The following CACNA1C variants were observed in gnomAD, a reference collection of about 807,000 sequenced individuals.
The protein encoded by CACNA1C is calcium voltage-gated channel subunit alpha1 C, also known as voltage-dependent L-type calcium channel subunit alpha-1C.
In CACNA1C, 30 loss-of-function variants were observed where a neutral mutation model predicts 229.0. The ratio of observed to expected loss-of-function variants is 0.13; its 90% CI spans 0.10 to 0.18. CACNA1C has a LOEUF of 0.18. Among genes scored for constraint, CACNA1C ranks in the 10% least tolerant of loss-of-function variants. The pLI is 1.00. For synonymous variants in CACNA1C, 1,114 were observed against 1,132.5 expected (o/e 0.98, Z 0.33); for missense variants, 1,658 against 2,845.0 (o/e 0.58, Z 9.49).
intron 1 of CACNA1C, among the ~76,000 whole-genome samples, chr12:2,062,606 C>G (rs191302737): frequency 6.6e-6 from 1 of 152,210 alleles, no homozygotes; most frequent in Non-Finnish European, 1.5e-5. Flanking sequence ...TGCATGTTGT[C>G]GTGGTACCCC....
intron 3 of CACNA1C, among the ~76,000 whole-genome samples, chr12:2,190,812 G>A (rs1798124382): frequency 6.6e-6 from 1 of 152,174 alleles, no homozygotes; most frequent in Non-Finnish European, 1.5e-5. Context: ...GGCAAGAAGG[G>A]TTATTCAGGG....
At chr12:2,217,618 T>G (rs1257129958) in intron 3 of CACNA1C, 1 of 152,248 alleles carries the variant, frequency 6.6e-6, no homozygotes, top group African/African-American at 2.4e-5. Context: ...CTATGATGGC[T>G]TGCAGTCTGG....
At chr12:1,983,941 T>G (rs1193852951) in intron 1 of CACNA1C, among the ~76,000 whole-genome samples, 4 of 152,088 alleles carry the variant, frequency 2.6e-5, no homozygotes, top group Non-Finnish European at 5.9e-5. Context: ...ATAATTATTA[T>G]GCCTTTTGGA....
At chr12:2,635,836 GTGTGTGTGAGCATGTGTGCATGTGTGTA>G (rs1158801087) in intron 30 of CACNA1C, among the ~76,000 whole-genome samples, 7 of 152,234 alleles carry the variant, frequency 4.6e-5, no homozygotes, top group African/African-American at 1.7e-4. Flanking sequence ...GCATGTCTGT[GTGTGTGTGAGCATGTGTGCATGTGTGTA>G]TGTGTGTGAG....
intron 29 of CACNA1C, 186 bp downstream of exon 29, chr12:2,612,199 A>G: frequency 1.8e-6 from 1 of 570,128 alleles, no homozygotes; most frequent in Non-Finnish European, 3.1e-6. Flanking sequence ...GGCCAACTCC[A>G]GGAAACACTC....
intron 29 of CACNA1C, chr12:2,614,949 C>T (rs1440046886): frequency 6.6e-6 from 1 of 151,260 alleles, no homozygotes; most frequent in East Asian, 1.9e-4. Flanking sequence ...AACCATCCCA[C>T]TCCTTAAATT....
At chr12:2,030,644 GC>G (rs1465154502) in intron 1 of CACNA1C, among the ~76,000 whole-genome samples, 1 of 152,194 alleles carries the variant, frequency 6.6e-6, no homozygotes, top group East Asian at 1.9e-4. Flanking sequence ...AGTTGTGTCT[GC>G]CTTGCTGATG....
rs2077224697 is a variant in CACNA1C at position 2,610,659 on chromosome 12, T to C, written c.3677T>C (p.Phe1226Ser). The change falls in exon 28 of 47, where the codon TTC becomes TCC. Residue 1226 changes from phenylalanine to serine, a missense_variant. This residue lies in a region of CACNA1C where 67 missense variants were observed against 106.4 expected (regional missense o/e 0.63). Transcript: ENST00000399655. ...TCCACCTACTTCGAGTACCTGATGT[T>C]CGTCCTCATCCTGCTCAACACCATC... The part of the protein sequence containing the change: ...VNSTYFEYLM[F>S]VLILLNTICL... The C allele has an allele frequency of 8.7e-6, 14 of 1,614,208 alleles. No individual in the cohort carries two copies. Among genetic ancestry groups the C allele is most frequent in the Non-Finnish European group, 1.2e-5 (14 of 1,180,046 alleles).
At position 2,612,069 on chromosome 12, in the gene CACNA1C, G is replaced by A. The variant is rs532062794; in HGVS notation, c.3828+56G>A. 204 of 1,048,028 alleles carry A rather than the reference G, an allele frequency of 1.9e-4. 3 individuals are homozygous for A. In the South Asian group the frequency reaches 2.6e-3, roughly 13 times the overall value. The allele number at this position is 1,048,028 out of a possible 1,614,324, so 64.9% of individuals were successfully genotyped here. A position where few individuals can be genotyped will look rare whatever the true frequency, so the allele number is the denominator to read the frequency against. The stretch of plus-strand genomic sequence containing the variant: ...AGGCATCAGGGGTGGACAGAACGGG[G>A]AGGTGGGGTGCAGGTATTGAAGGCA... On this transcript the variant is annotated intron_variant, in intron 29 of 46. Transcript: ENST00000399655.
chr12:2,435,570 G>A (rs2099126380), intron 3 of CACNA1C, among the ~76,000 whole-genome samples: 2 of 152,174 alleles, frequency 1.3e-5, no homozygotes, highest in South Asian at 4.1e-4. Context: ...GAAGAAGGGT[G>A]GCCTCTGCAG....
chr12:2,020,692 A>T (rs2046290917), intron 1 of CACNA1C, among the ~76,000 whole-genome samples: 1 of 152,194 alleles, frequency 6.6e-6, no homozygotes. Flanking sequence ...CATGGGAGGA[A>T]TAAAATTAGA....
intron 1 of CACNA1C, among the ~76,000 whole-genome samples, chr12:2,037,455 G>A (rs1047536716): frequency 2.0e-5 from 3 of 152,100 alleles, no homozygotes; most frequent in South Asian, 2.1e-4. Flanking sequence ...AAGTATCTTC[G>A]GGCCCCACTT....
At chr12:2,368,813 A>G (rs2097782132) in intron 3 of CACNA1C, among the ~76,000 whole-genome samples, 1 of 152,200 alleles carries the variant, frequency 6.6e-6, no homozygotes, top group African/African-American at 2.4e-5. Context: ...GAGTGCTTAG[A>G]AAAATAATTC....
intron 1 of CACNA1C, among the ~76,000 whole-genome samples, chr12:2,076,630 A>G (rs1205750462): frequency 6.6e-6 from 1 of 152,110 alleles, no homozygotes; most frequent in Non-Finnish European, 1.5e-5. Context: ...CAGAGATGGT[A>G]TCTCTAGTAC....
rs563291162 is a variant in CACNA1C at position 2,630,060 on chromosome 12, C to T, written c.3829-4237C>T. 5.9e-5 allele frequency among the ~76,000 whole-genome samples: 9 copies of T among 152,338 alleles called. 1 individual carries two copies. The South Asian group carries it at 8.3e-4, about 14-fold the overall frequency. ...AGGCTTCCAGCTGCAAAAACGCTTT[C>T]CCTTCTGGGCAGCCCGCCCTGCGTG... On this transcript the variant is annotated intron_variant, in intron 29 of 46. Transcript: ENST00000399655. The surrounding 1 kb of genome is among the most constrained non-coding windows in gnomAD (Gnocchi z 5.4).
In CACNA1C at chr12:2,054,184, G is replaced by A. The variant is rs2053603957; in HGVS notation, c.49+573G>A. 6.6e-6 allele frequency among the ~76,000 whole-genome samples: 1 copy of A among 151,962 alleles called. No homozygotes were observed. Among genetic ancestry groups the A allele is most frequent in the African/African-American group, 2.4e-5 (1 of 41,438 alleles). On this transcript the variant is annotated intron_variant, in intron 1 of 46. Coordinates refer to ENST00000399655, the MANE Select transcript of CACNA1C (RefSeq NM_000719.7). This position sits in a 1 kb window ranked among gnomAD's most constrained non-coding sequence, Gnocchi z 5.5. Reference sequence around the variant, plus strand: ...GGTGGCGGGTGGGGGCGGCGGTGCAGATGTGAAGCCCAGCGCGCCCCTCTG... The same window carrying A: ...GGTGGCGGGTGGGGGCGGCGGTGCAAATGTGAAGCCCAGCGCGCCCCTCTG...
intron 1 of CACNA1C, among the ~76,000 whole-genome samples, chr12:2,004,917 A>G (rs1024521725): frequency 2.6e-5 from 4 of 151,964 alleles, no homozygotes; most frequent in African/African-American, 7.3e-5. Context: ...GTGGTCCTGG[A>G]ACCCTTTGGG....
Position 2,053,987 on chromosome 12 carries a change from C to T in CACNA1C, c.49+376C>T, listed in dbSNP as rs1301428395. On this transcript the variant is annotated intron_variant, in intron 1 of 46. Coordinates refer to ENST00000399655, the MANE Select transcript of CACNA1C (RefSeq NM_000719.7). This position sits in a 1 kb window ranked among gnomAD's most constrained non-coding sequence, Gnocchi z 5.8. Reference sequence around the variant, plus strand: ...CGCGGGGGGCAGAGGGCGCCGGCGCCGCGGAGCCCAGAGGCCCGGGGTCCC... The same window carrying T: ...CGCGGGGGGCAGAGGGCGCCGGCGCTGCGGAGCCCAGAGGCCCGGGGTCCC... Among the ~76,000 whole-genome samples, 1 of 148,410 alleles carries T rather than the reference C, an allele frequency of 6.7e-6. No individual in the cohort carries two copies. Among genetic ancestry groups the T allele is most frequent in the Non-Finnish European group, 1.5e-5 (1 of 66,860 alleles).
At chr12:2,317,809 C>T (rs2095772225) in intron 3 of CACNA1C, among the ~76,000 whole-genome samples, 1 of 152,208 alleles carries the variant, frequency 6.6e-6, no homozygotes, top group South Asian at 2.1e-4. Context: ...GGAACACAGT[C>T]TGGGTGGAGA....
Sources: allele counts gnomAD v4.1 joint callset (sites outside exome capture counted in the v4.1 genomes callset), GRCh38; gene constraint gnomAD v4.1.1; regional missense constraint gnomAD v4.1.1; non-coding constraint Gnocchi (gnomAD v3.1); transcripts MANE v1.5; gene names NCBI Gene and HGNC (gene_info 2026-07-23, HGNC 2026-07-21).